The following SLC25A21 variants were observed in gnomAD, a reference collection of about 807,000 sequenced individuals.
The protein encoded by SLC25A21 is mitochondrial 2-oxodicarboxylate carrier.
SLC25A21 carries 47 observed loss-of-function variants against 43.8 expected under a neutral mutation model. The ratio of observed to expected loss-of-function variants is 1.07; its 90% CI spans 0.85 to 1.37. The LOEUF (loss-of-function observed/expected upper bound fraction) is 1.37, where lower values mean the gene tolerates loss of function less well. SLC25A21 is among the 40% of genes most tolerant of loss of function. The probability of loss-of-function intolerance (pLI) is 0.00; values close to 1 mark genes in which losing one functional copy is unlikely to be tolerated. For synonymous variants in SLC25A21, 131 were observed against 121.3 expected (o/e 1.08, Z -0.52); for missense variants, 352 against 350.2 (o/e 1.00, Z -0.04).
chr14:36,835,992 C>T (rs1254216572), intron 2 of SLC25A21, among the ~76,000 whole-genome samples: 6 of 152,190 alleles, frequency 3.9e-5, no homozygotes, highest in Admixed American at 2.6e-4. Context: ...AAATATCTTT[C>T]GCTGAGTGAA....
At chr14:36,708,437 CAT>C (rs1205872582) in intron 7 of SLC25A21, among the ~76,000 whole-genome samples, 1 of 152,160 alleles carries the variant, frequency 6.6e-6, no homozygotes, top group East Asian at 1.9e-4. Flanking sequence ...TGGGCAGACA[CAT>C]GTCAACATTT....
chr14:36,704,528 G>A (rs899357030), intron 7 of SLC25A21, among the ~76,000 whole-genome samples: 13 of 151,846 alleles, frequency 8.6e-5, no homozygotes, highest in Admixed American at 5.9e-4. Context: ...ATGTTGGTGC[G>A]CACCTGTAAT....
At chr14:36,856,077 T>G (rs2138523231) in intron 2 of SLC25A21, among the ~76,000 whole-genome samples, 1 of 152,214 alleles carries the variant, frequency 6.6e-6, no homozygotes, top group South Asian at 2.1e-4. Context: ...CTGGTTAACC[T>G]TACCAAGAAA....
chr14:37,056,428 G>C (rs1434231655), intron 1 of SLC25A21, among the ~76,000 whole-genome samples: 2 of 150,498 alleles, frequency 1.3e-5, no homozygotes, highest in African/African-American at 4.9e-5. Context: ...GGGGCGGAGT[G>C]TGCAGTGAGC....
rs569651639 is a variant in SLC25A21 at position 36,696,974 on chromosome 14, A to C, written c.604-12049T>G. ...TAGCTTTCGAATGTGTTTGCTCTTC[A>C]TTCTCTCGTTCTTTTAATTGTGATG... On this transcript the variant is annotated intron_variant, in intron 7 of 9. Coordinates refer to ENST00000331299, the MANE Select transcript of SLC25A21 (RefSeq NM_030631.4). Among the ~76,000 whole-genome samples, 3,908 of 151,802 alleles carry C rather than the reference A, an allele frequency of 0.026. 259 individuals are homozygous for C. In the East Asian group the frequency reaches 0.29, roughly 11 times the overall value.
intron 1 of SLC25A21, among the ~76,000 whole-genome samples, chr14:37,132,431 G>A (rs973446563): frequency 2.6e-5 from 4 of 152,076 alleles, no homozygotes; most frequent in African/African-American, 4.8e-5. Context: ...AAATTTAAAG[G>A]TGTGTCTGAA....
At chr14:37,043,467 T>TA (rs1368847666) in intron 1 of SLC25A21, among the ~76,000 whole-genome samples, 1 of 152,142 alleles carries the variant, frequency 6.6e-6, no homozygotes, top group Non-Finnish European at 1.5e-5. Flanking sequence ...GAGCCCTCCT[T>TA]ACTATCACCT....
intron 1 of SLC25A21, among the ~76,000 whole-genome samples, chr14:37,035,650 G>T (rs1241560374): frequency 2.6e-5 from 4 of 152,162 alleles, no homozygotes; most frequent in Non-Finnish European, 5.9e-5. Flanking sequence ...CGATCACTGT[G>T]TTTCTCCAAG....
chr14:36,785,726 G>A (rs1246814361), intron 3 of SLC25A21, among the ~76,000 whole-genome samples: 3 of 152,176 alleles, frequency 2.0e-5, no homozygotes, highest in Non-Finnish European at 2.9e-5. Flanking sequence ...AGCACATTCA[G>A]GGGGCCAGAT....
rs569602709 is a variant in SLC25A21, at chr14:36,843,629, A to G, written c.120-29628T>C. On this transcript the variant is annotated intron_variant, in intron 2 of 9. Transcript: ENST00000331299. ...AATCACTTGAAACTAAGTTGAAGAC[A>G]TCATGACACCTCATCCTAAATACTT... Among the ~76,000 whole-genome samples the G allele has an allele frequency of 4.5e-4, 68 of 152,304 alleles. 1 individual carries two copies. The South Asian group carries it at 0.014, about 31-fold the overall frequency.
chr14:36,971,433 C>A (rs937274201), intron 1 of SLC25A21, among the ~76,000 whole-genome samples: 1 of 152,114 alleles, frequency 6.6e-6, no homozygotes, highest in Non-Finnish European at 1.5e-5. Flanking sequence ...CAAGATGGCG[C>A]TGGCCAAGTA....
At chr14:36,775,130 T>C (rs1886776927) in intron 3 of SLC25A21, among the ~76,000 whole-genome samples, 1 of 152,212 alleles carries the variant, frequency 6.6e-6, no homozygotes, top group African/African-American at 2.4e-5. Context: ...TGGAGAATTC[T>C]GTAATTGCTT....
At chr14:37,075,774 GCTGAATGAATGTAATA>G (rs1962267496) in intron 1 of SLC25A21, among the ~76,000 whole-genome samples, 1 of 152,240 alleles carries the variant, frequency 6.6e-6, no homozygotes, top group South Asian at 2.1e-4. Flanking sequence ...ATGTGACCCA[GCTGAATGAATGTAATA>G]ACAGACAGAT....
chr14:37,102,365 C>T (rs1962832498), intron 1 of SLC25A21, among the ~76,000 whole-genome samples: 1 of 151,726 alleles, frequency 6.6e-6, no homozygotes, highest in Non-Finnish European at 1.5e-5. Flanking sequence ...ATCGCTTGAA[C>T]CAGGGAGGTG....
chr14:37,060,379 CTAATAATAATAATAATAATAA>C (rs71124787), intron 1 of SLC25A21, among the ~76,000 whole-genome samples: 2 of 138,116 alleles, frequency 1.4e-5, no homozygotes, highest in African/African-American at 5.3e-5. Flanking sequence ...ACTCTACTCT[CTAATAATAATAATAATAATAA>C]TAATAATAAT....
chr14:36,736,632 A>C (rs577011357), intron 3 of SLC25A21, among the ~76,000 whole-genome samples: 1 of 152,074 alleles, frequency 6.6e-6, no homozygotes, highest in Non-Finnish European at 1.5e-5. Flanking sequence ...TAGGAAAAAA[A>C]AAATAAAGAG....
At chr14:36,971,664 T>C (rs991818543) in intron 1 of SLC25A21, among the ~76,000 whole-genome samples, 7 of 152,100 alleles carry the variant, frequency 4.6e-5, no homozygotes, top group Admixed American at 3.3e-4. Context: ...CTCTCCTTTC[T>C]TCTGCCTATT....
intron 1 of SLC25A21, among the ~76,000 whole-genome samples, chr14:37,094,834 A>G (rs1962655509): frequency 6.6e-6 from 1 of 152,168 alleles, no homozygotes; most frequent in African/African-American, 2.4e-5. Flanking sequence ...AAATACTGGT[A>G]CCCAGGATAT....
intron 3 of SLC25A21, among the ~76,000 whole-genome samples, chr14:36,785,315 C>A (rs1049947781): frequency 2.6e-5 from 4 of 152,166 alleles, no homozygotes; most frequent in Admixed American, 1.3e-4. Context: ...CACACTAAAC[C>A]AAACCAACTA....
Sources: allele counts gnomAD v4.1 joint callset (sites outside exome capture counted in the v4.1 genomes callset), GRCh38; gene constraint gnomAD v4.1.1; transcripts MANE v1.5; gene names NCBI Gene and HGNC (gene_info 2026-07-23, HGNC 2026-07-21).